The following USP44 variants were observed in gnomAD, a reference collection of about 807,000 sequenced individuals.
USP44 encodes ubiquitin carboxyl-terminal hydrolase 44.
Under a neutral mutation model 69.0 loss-of-function variants are expected in USP44, and 61 were observed. The ratio of observed to expected loss-of-function variants is 0.88; its 90% CI spans 0.72 to 1.09. The LOEUF is 1.09. Ranked by LOEUF, USP44 falls within the 50% of genes least tolerant of loss-of-function variation. The pLI is 0.00. For missense variants in USP44, 753 were observed against 849.9 expected (o/e 0.89, Z 1.42); for synonymous variants, 297 against 295.4 (o/e 1.01, Z -0.06).
intron 4 of USP44, chr12:95,522,216 G>T (rs1386743693): frequency 3.9e-6 from 2 of 514,978 alleles, no homozygotes; most frequent in Non-Finnish European, 5.0e-6. Context: ...TAAAAATATA[G>T]TAGTAAAGTA....
chr12:95,519,494 C>G (rs935344631), intron 5 of USP44, among the ~76,000 whole-genome samples: 1 of 128,934 alleles, frequency 7.8e-6, no homozygotes, highest in Non-Finnish European at 1.5e-5. Context: ...GGCTGGAGTA[C>G]AGTGGCGCAG....
intron 1 of USP44, among the ~76,000 whole-genome samples, chr12:95,550,005 C>G (rs1309834773): frequency 6.6e-6 from 1 of 151,870 alleles, no homozygotes; most frequent in Non-Finnish European, 1.5e-5. Context: ...ATAGTGAAAC[C>G]CTGTCTCTAC....
At chr12:95,538,562 A>G (rs1478217743) in intron 1 of USP44, among the ~76,000 whole-genome samples, 2 of 151,892 alleles carry the variant, frequency 1.3e-5, no homozygotes, top group Non-Finnish European at 2.9e-5. Context: ...TCTCTCAAAG[A>G]TAAAATCTTT....
At chr12:95,520,910 A>AC in intron 5 of USP44, 87 bp downstream of exon 5, 1 of 1,250,868 alleles carries the variant, frequency 8.0e-7, no homozygotes, top group African/African-American at 1.5e-5. Context: ...TTTGTTTATG[A>AC]TTTAGTAGTC....
intron 1 of USP44, among the ~76,000 whole-genome samples, chr12:95,535,591 A>AT (rs1017006410): frequency 6.6e-6 from 1 of 152,160 alleles, no homozygotes; most frequent in African/African-American, 2.4e-5. Flanking sequence ...TTATAAGCTT[A>AT]TTTTTTTAAA....
At chr12:95,529,435 T>C (rs2076951895) in intron 2 of USP44, among the ~76,000 whole-genome samples, 1 of 148,114 alleles carries the variant, frequency 6.8e-6, no homozygotes, top group African/African-American at 2.4e-5. Flanking sequence ...TCATCTTTTT[T>C]TTTTTTGAGA....
Position 95,533,471 on chromosome 12 carries a change from A to G in USP44, c.786T>C (p.Val262=), listed in dbSNP as rs753986580. The change falls in exon 2 of 6, where the codon GTT becomes GTC. Residue 262 remains valine (V), a synonymous_variant. Transcript: ENST00000258499. ...CAGGAGTTACTATTGGCCTTCGTTTAACTGAGGAGTCACTGACTTTTTGAG... is the reference window on the plus strand; with the variant it reads ...CAGGAGTTACTATTGGCCTTCGTTTGACTGAGGAGTCACTGACTTTTTGAG... The part of the protein sequence containing the change: ...EISQKVSDSS[V]KRRPIVTPGV... 3.7e-6 allele frequency: 6 copies of G among 1,614,218 alleles called. No homozygotes were observed. Among genetic ancestry groups the G allele is most frequent in the Admixed American group, 3.3e-5 (2 of 60,022 alleles).
chr12:95,519,432 A>ATTTTTT (rs60940181), intron 5 of USP44, among the ~76,000 whole-genome samples: 61 of 84,536 alleles, frequency 7.2e-4, no homozygotes, highest in Non-Finnish European at 9.5e-4. Flanking sequence ...CTCAATCTGT[A>ATTTTTT]TTTTTTTTTT....
intron 1 of USP44, among the ~76,000 whole-genome samples, chr12:95,539,072 G>T (rs774273209): frequency 2.6e-5 from 4 of 152,110 alleles, no homozygotes; most frequent in Non-Finnish European, 5.9e-5. Context: ...TTACAAATAG[G>T]ATGCTTGAAA....
chr12:95,523,194 G>T lies in USP44; in HGVS notation c.1733+1486C>A, dbSNP rs144419180. On this transcript the variant is annotated intron_variant, in intron 4 of 5. Transcript: ENST00000258499. ...TTTGTAATAAATGGGTAAACACAAA[G>T]GTTTCCCTGAGTTCTGTGGGGGCCC... is the stretch of plus-strand genomic sequence containing the variant. 2.0e-3 allele frequency among the ~76,000 whole-genome samples: 302 copies of T among 152,268 alleles called. 1 individual carries two copies. Among genetic ancestry groups the T allele is most frequent in the African/African-American group, 6.8e-3 (283 of 41,532 alleles).
Position 95,533,560 on chromosome 12 carries a change from G to A in USP44, c.697C>T (p.Pro233Ser). Residue 233 changes from proline to serine, a missense_variant, in exon 2 of 6, where the codon CCA becomes TCA. Pro to Ser is a moderately conservative substitution (Grantham distance 74, BLOSUM62 -1). Coordinates refer to ENST00000258499, the MANE Select transcript of USP44 (RefSeq NM_032147.5). ...TIIEIVSVQVPAQTPASPAKD... is the reference protein window; with the variant it reads ...TIIEIVSVQVSAQTPASPAKD... ...GCTGGTGATGCTGGCGTTTGTGCTG[G>A]CACCTGAACAGAAACTATTTCTATT... is the stretch of plus-strand genomic sequence containing the variant. The A allele has an allele frequency of 6.2e-7, 1 of 1,613,398 alleles. No homozygotes were observed. The highest frequency in any genetic ancestry group is 2.2e-5 in the East Asian group (1 of 44,874).
intron 1 of USP44, among the ~76,000 whole-genome samples, chr12:95,551,008 A>G (rs530543568): frequency 6.6e-6 from 1 of 152,168 alleles, no homozygotes; most frequent in East Asian, 1.9e-4. Context: ...CAACTTTGAA[A>G]TTTCCTCAGC....
At chr12:95,519,209 G>A (rs1407480936) in intron 5 of USP44, among the ~76,000 whole-genome samples, 3 of 144,794 alleles carry the variant, frequency 2.1e-5, no homozygotes, top group Non-Finnish European at 4.6e-5. Flanking sequence ...ATTGCTCAAT[G>A]TACAAACTTT....
chr12:95,538,357 A>G (rs1325687483), intron 1 of USP44, among the ~76,000 whole-genome samples: 1 of 152,118 alleles, frequency 6.6e-6, no homozygotes, highest in Non-Finnish European at 1.5e-5. Context: ...CTTAGCTGCC[A>G]ATAGTAATAA....
At chr12:95,538,282 T>C (rs1434260355) in intron 1 of USP44, among the ~76,000 whole-genome samples, 1 of 152,180 alleles carries the variant, frequency 6.6e-6, no homozygotes, top group African/African-American at 2.4e-5. Context: ...ATAATACCAA[T>C]AGGGTTGTTG....
chr12:95,536,039 CTTTTT>C (rs397821709), intron 1 of USP44, among the ~76,000 whole-genome samples: 5 of 97,526 alleles, frequency 5.1e-5, no homozygotes, highest in African/African-American at 1.7e-4. Context: ...CTTTTTTTTC[CTTTTT>C]TTTTTTTTTT....
At chr12:95,522,169 T>C in intron 4 of USP44, 1 of 950,520 alleles carries the variant, frequency 1.1e-6, no homozygotes, top group Non-Finnish European at 1.3e-6. Context: ...ATAATCCAGT[T>C]TGGGGTAGTA....
chr12:95,543,428 AG>A (rs1312678628), intron 1 of USP44, among the ~76,000 whole-genome samples: 2 of 149,562 alleles, frequency 1.3e-5, no homozygotes, highest in African/African-American at 2.5e-5. Context: ...AAAAAAAAAA[AG>A]AAAAAGAAAA....
chr12:95,527,415 C>A (rs2076876686), intron 3 of USP44, among the ~76,000 whole-genome samples: 1 of 151,764 alleles, frequency 6.6e-6, no homozygotes, highest in African/African-American at 2.4e-5. Context: ...CATTATTATG[C>A]CTTTGCATCC....
Sources: allele counts gnomAD v4.1 joint callset (sites outside exome capture counted in the v4.1 genomes callset), GRCh38; gene constraint gnomAD v4.1.1; transcripts MANE v1.5; gene names NCBI Gene and HGNC (gene_info 2026-07-23, HGNC 2026-07-21).